HMGCLL1: variants seen among roughly 807,000 people sequenced by gnomAD.
The protein encoded by HMGCLL1 is 3-hydroxy-3-methylglutaryl-CoA lyase like 1.
A neutral mutation model predicts 39.1 loss-of-function variants in HMGCLL1; 36 were observed. The observed-to-expected ratio is 0.92, with a 90% CI of 0.71 to 1.22. The LOEUF is 1.22. Ranked by LOEUF, HMGCLL1 falls within the 50% of genes most tolerant of loss-of-function variation. HMGCLL1 has a pLI of 0.00. For synonymous variants in HMGCLL1, 149 were observed against 144.0 expected (o/e 1.03, Z -0.25); for missense variants, 451 against 416.5 (o/e 1.08, Z -0.72).
chr6:55,438,221 C>T (rs1763448571), intron 8 of HMGCLL1, among the ~76,000 whole-genome samples: 1 of 152,136 alleles, frequency 6.6e-6, no homozygotes, highest in East Asian at 1.9e-4. Flanking sequence ...AATGAAATAA[C>T]ATTTATTTCT....
At chr6:55,470,294 TC>T (rs1483394084) in intron 7 of HMGCLL1, among the ~76,000 whole-genome samples, 1 of 151,882 alleles carries the variant, frequency 6.6e-6, no homozygotes. Flanking sequence ...TACAGAAACA[TC>T]AGTAGAGAAT....
At chr6:55,591,225 G>A in the HMGCLL1 span, among the ~76,000 whole-genome samples, 1 of 151,962 alleles carries the variant, frequency 6.6e-6, no homozygotes, top group Non-Finnish European at 1.5e-5. Context: ...CACACACTAT[G>A]TGAAGGACTC....
chr6:55,454,120 G>A (rs1250185972), intron 7 of HMGCLL1, among the ~76,000 whole-genome samples: 1 of 152,082 alleles, frequency 6.6e-6, no homozygotes, highest in African/African-American at 2.4e-5. Flanking sequence ...TCATGTCTTT[G>A]GTAATGTTTA....
intron 1 of HMGCLL1, among the ~76,000 whole-genome samples, chr6:55,550,041 C>A (rs1455687815): frequency 2.0e-5 from 3 of 151,990 alleles, no homozygotes; most frequent in African/African-American, 7.3e-5. Context: ...AGACACACAA[C>A]AAAAATTCTC....
chr6:55,666,684 A>T, the HMGCLL1 span, among the ~76,000 whole-genome samples: 1 of 151,690 alleles, frequency 6.6e-6, no homozygotes, highest in Non-Finnish European at 1.5e-5. Flanking sequence ...ATAAATCTCA[A>T]ATTATTTTCT....
chr6:55,478,984 G>A (rs1180723524), intron 7 of HMGCLL1, among the ~76,000 whole-genome samples: 2 of 151,356 alleles, frequency 1.3e-5, no homozygotes, highest in Non-Finnish European at 2.9e-5. Context: ...GCATCCTTGT[G>A]CCTCTGAATT....
chr6:55,452,617 A>T (rs1764147352), intron 7 of HMGCLL1, among the ~76,000 whole-genome samples: 1 of 152,172 alleles, frequency 6.6e-6, no homozygotes. Flanking sequence ...ATATGATCAT[A>T]TATAATGTTA....
At chr6:55,615,355 G>T in the HMGCLL1 span, among the ~76,000 whole-genome samples, 1 of 152,074 alleles carries the variant, frequency 6.6e-6, no homozygotes. Context: ...CAGCAGAAAA[G>T]ACAAAGGTGA....
the HMGCLL1 span, among the ~76,000 whole-genome samples, chr6:55,599,782 A>G: frequency 2.4e-4 from 36 of 152,322 alleles, 1 homozygote; most frequent in East Asian, 6.6e-3. Context: ...TTAAGAAACA[A>G]TAGAAAATTT....
At chr6:55,443,586 G>T (rs185878947) in intron 7 of HMGCLL1, among the ~76,000 whole-genome samples, 1 of 151,946 alleles carries the variant, frequency 6.6e-6, no homozygotes, top group East Asian at 1.9e-4. Context: ...AAGAGTGAAA[G>T]ATTTATTTAC....
intron 3 of HMGCLL1, among the ~76,000 whole-genome samples, chr6:55,528,164 T>C (rs1768423298): frequency 6.6e-6 from 1 of 152,106 alleles, no homozygotes; most frequent in Admixed American, 6.6e-5. Context: ...GAGCGGATAA[T>C]GTCAGAAGCT....
Position 55,560,360 on chromosome 6 carries a change from T to C in HMGCLL1, c.109-18220A>G, listed in dbSNP as rs915660171. Among the ~76,000 whole-genome samples the C allele has an allele frequency of 2.6e-5, 4 of 152,170 alleles. No individual in the cohort carries two copies. The East Asian group carries it at 5.8e-4, about 22-fold the overall frequency. On this transcript the variant is annotated intron_variant, in intron 1 of 8. Coordinates refer to ENST00000274901, the MANE Select transcript of HMGCLL1 (RefSeq NM_001042406.2). ...GCTCTGAATAACTAAACATCATCAC[T>C]GTCCTTTACTATTCCAGAAAAATGC...
intron 1 of HMGCLL1, among the ~76,000 whole-genome samples, chr6:55,543,732 G>A (rs1408865687): frequency 6.6e-6 from 1 of 150,958 alleles, no homozygotes. Context: ...GCGTGATGGG[G>A]GTGGTGTATC....
chr6:55,678,871 T>G, the HMGCLL1 span, among the ~76,000 whole-genome samples: 2 of 152,136 alleles, frequency 1.3e-5, no homozygotes, highest in Non-Finnish European at 2.9e-5. Flanking sequence ...TTATTAAATA[T>G]TATTGGTATT....
intron 4 of HMGCLL1, 118 bp downstream of exon 4, chr6:55,516,390 T>A (rs1767737236): frequency 1.8e-6 from 1 of 564,238 alleles, no homozygotes; most frequent in Admixed American, 2.6e-5. Flanking sequence ...TTCATGTTAG[T>A]ACATTAGCAT....
upstream of HMGCLL1, among the ~76,000 whole-genome samples, chr6:55,582,699 G>T (rs1030145489): frequency 1.7e-4 from 26 of 152,022 alleles, no homozygotes; most frequent in African/African-American, 6.0e-4. Context: ...GATACATAAA[G>T]ATATCAATGA....
the HMGCLL1 span, among the ~76,000 whole-genome samples, chr6:55,649,862 C>A: frequency 6.6e-6 from 1 of 151,284 alleles, no homozygotes; most frequent in African/African-American, 2.4e-5. Flanking sequence ...AACAATTCTG[C>A]TCTTCAGAGA....
intron 7 of HMGCLL1, among the ~76,000 whole-genome samples, chr6:55,478,425 A>T (rs1235228600): frequency 2.0e-5 from 3 of 151,514 alleles, no homozygotes; most frequent in African/African-American, 7.3e-5. Context: ...AATAGTATAT[A>T]TGAATAATCC....
chr6:55,588,495 C>T, the HMGCLL1 span, among the ~76,000 whole-genome samples: 3 of 151,920 alleles, frequency 2.0e-5, no homozygotes, highest in Admixed American at 1.3e-4. Flanking sequence ...ATTAAGAGAA[C>T]TAGAGAAGCA....
Sources: allele counts gnomAD v4.1 joint callset (sites outside exome capture counted in the v4.1 genomes callset), GRCh38; gene constraint gnomAD v4.1.1; transcripts MANE v1.5; gene names NCBI Gene and HGNC (gene_info 2026-07-23, HGNC 2026-07-21).